Variants in TRANK1 observed in about 807,000 individuals in gnomAD.
TRANK1 encodes the protein tetratricopeptide repeat and ankyrin repeat containing 1, also known as TPR and ankyrin repeat-containing protein 1.
TRANK1 carries 198 observed loss-of-function variants against 266.0 expected under a neutral mutation model. That is an observed-to-expected ratio of 0.74 (90% CI 0.66 to 0.84). The LOEUF is 0.84. Ranked by LOEUF, TRANK1 falls within the 40% of genes least tolerant of loss-of-function variation. The pLI is 0.00. For synonymous variants in TRANK1, 1,396 were observed against 1,384.1 expected (o/e 1.01, Z -0.19); for missense variants, 3,326 against 3,634.6 (o/e 0.92, Z 2.18).
In TRANK1 at chr3:36,907,184, C is replaced by T. The variant is rs1454431530; in HGVS notation, c.155+1139G>A. On this transcript the variant is annotated intron_variant, in intron 2 of 23. Transcript: ENST00000645898. The stretch of plus-strand genomic sequence containing the variant: ...TTTATTTTTGAGACAGAGTTTCACT[C>T]TTGTCACCGAGGCCAGAGTTCAATG... 5.3e-5 allele frequency among the ~76,000 whole-genome samples: 8 copies of T among 152,338 alleles called. No individual in the cohort carries two copies. The South Asian group carries it at 1.2e-3, about 24-fold the overall frequency.
At chr3:36,906,297 C>T (rs1324634026) in intron 2 of TRANK1, among the ~76,000 whole-genome samples, 1 of 152,138 alleles carries the variant, frequency 6.6e-6, no homozygotes, top group African/African-American at 2.4e-5. Flanking sequence ...CATTTCCTAG[C>T]ACAAGTTTAG....
At chr3:36,893,389 T>A (rs180993259) in intron 5 of TRANK1, among the ~76,000 whole-genome samples, 2 of 152,220 alleles carry the variant, frequency 1.3e-5, no homozygotes, top group East Asian at 3.9e-4. Flanking sequence ...CACATCAGCG[T>A]TTTAAAAGCC....
chr3:36,837,657 G>GGATGTCAAAGC (rs2125514308), intron 20 of TRANK1, among the ~76,000 whole-genome samples: 1 of 152,286 alleles, frequency 6.6e-6, no homozygotes, highest in African/African-American at 2.4e-5. Context: ...ATCACCACTT[G>GGATGTCAAAGC]GATGTCAAAG....
In TRANK1 at chr3:36,855,537, G is replaced by A; in HGVS notation, c.4185C>T (p.Phe1395=). Residue 1395 remains phenylalanine (F), a synonymous_variant, in exon 13 of 24, where the codon TTC becomes TTT. Transcript: ENST00000645898. ...KEDRSEIYSL[F]SLYQQIRSQK... is the part of the protein sequence containing the mutation. ...GGGACCTGATTTGCTGATACAGACT[G>A]AAGAGGCTGTAGATCTCACTCCGGT... 3 of 1,613,930 alleles carry A rather than the reference G, an allele frequency of 1.9e-6. No homozygotes were observed. The highest frequency in any genetic ancestry group is 2.2e-5 in the East Asian group (1 of 44,874).
Position 36,849,645 on chromosome 3 carries a change from G to T in TRANK1, c.4887+2074C>A, listed in dbSNP as rs552748280. ...TTCAAATAGCAATCACTGTTCAGCA[G>T]CCTTCAGTTACCTTGAAAGAAACCC... is the stretch of plus-strand genomic sequence containing the variant. On this transcript the variant is annotated intron_variant, in intron 15 of 23. Transcript: ENST00000645898. 6.9e-4 allele frequency among the ~76,000 whole-genome samples: 105 copies of T among 152,334 alleles called. 1 individual carries two copies. Among genetic ancestry groups the T allele is most frequent in the African/African-American group, 2.3e-3 (97 of 41,584 alleles).
intron 8 of TRANK1, among the ~76,000 whole-genome samples, chr3:36,884,341 C>T (rs1159415739): frequency 6.6e-6 from 1 of 152,132 alleles, no homozygotes; most frequent in African/African-American, 2.4e-5. Context: ...CAATAGGAAC[C>T]AGGGATCCTT....
At chr3:36,902,868 CA>C (rs1342922622) in intron 3 of TRANK1, among the ~76,000 whole-genome samples, 1 of 152,260 alleles carries the variant, frequency 6.6e-6, no homozygotes, top group Non-Finnish European at 1.5e-5. Flanking sequence ...GCTGTTCCTA[CA>C]AAGTGCATTT....
In TRANK1 at chr3:36,855,481, A is replaced by T; in HGVS notation, c.4241T>A (p.Leu1414Gln). Reference protein sequence around the residue: ...QKGYFDEEDVLYNISRRLSKL... With the variant: ...QKGYFDEEDVQYNISRRLSKL... ...CGACAGCCTCCGGGATATGTTGTAC[A>T]GAACATCCTCTTCATCAAAATAACC... Residue 1414 changes from leucine (L) to glutamine (Q), a missense_variant, in exon 13 of 24, where the codon CTG (leucine) becomes CAG (glutamine). Leu to Gln is a moderately radical substitution (Grantham distance 113, BLOSUM62 -2). Transcript: ENST00000645898. 1.2e-6 allele frequency: 2 copies of T among 1,614,018 alleles called. No homozygotes were observed. The highest frequency in any genetic ancestry group is 1.7e-6 in the Non-Finnish European group (2 of 1,179,894).
At chr3:36,846,430 T>C (rs1402640673) in intron 16 of TRANK1, 26 bp from the exon 17 acceptor site, 1 of 1,596,276 alleles carries the variant, frequency 6.3e-7, no homozygotes, top group African/African-American at 1.3e-5. Flanking sequence ...AGGACAAAGA[T>C]GATGAGCCAT....
intron 4 of TRANK1, 72 bp downstream of exon 4, chr3:36,899,037 G>A (rs1484610893): frequency 1.4e-6 from 2 of 1,472,732 alleles, no homozygotes; most frequent in Non-Finnish European, 1.8e-6. Flanking sequence ...CTCCCCATGA[G>A]CCTGAGTCCC....
chr3:36,837,538 C>T (rs903964679), intron 20 of TRANK1, among the ~76,000 whole-genome samples: 1 of 152,210 alleles, frequency 6.6e-6, no homozygotes, highest in Non-Finnish European at 1.5e-5. Flanking sequence ...CAATGGCCCA[C>T]AGCTCCTTAA....
chr3:36,938,515 C>A (rs1322016349), intron 1 of TRANK1, among the ~76,000 whole-genome samples: 1 of 152,116 alleles, frequency 6.6e-6, no homozygotes, highest in Non-Finnish European at 1.5e-5. Flanking sequence ...CCAGGCCCAG[C>A]CATTCTAGCC....
chr3:36,862,906 A>G (rs530707105), intron 10 of TRANK1, among the ~76,000 whole-genome samples: 1 of 152,344 alleles, frequency 6.6e-6, no homozygotes, highest in Admixed American at 6.5e-5. Context: ...GGAGAGTCAA[A>G]AAAAGTCACT....
In TRANK1 at chr3:36,834,757, C is replaced by A; in HGVS notation, c.5663+5G>T. 1 of 1,608,548 alleles carries A rather than the reference C, an allele frequency of 6.2e-7. No individual in the cohort carries two copies. Among genetic ancestry groups the A allele is most frequent in the South Asian group, 1.1e-5 (1 of 90,146 alleles). On this transcript the variant is annotated splice_donor_5th_base_variant and intron_variant, in intron 21 of 23. Transcript: ENST00000645898. Reference sequence around the variant, plus strand: ...GGGAGAAAGGGAGAGAATAAAACCACCTACTTTTCCACTGCAATAGCAGCT... The same window carrying A: ...GGGAGAAAGGGAGAGAATAAAACCAACTACTTTTCCACTGCAATAGCAGCT...
Position 36,848,785 on chromosome 3 carries a change from A to T in TRANK1, c.4888-1439T>A, listed in dbSNP as rs564886172. Among the ~76,000 whole-genome samples the T allele has an allele frequency of 2.0e-5, 3 of 152,358 alleles. No individual in the cohort carries two copies. The East Asian group carries it at 5.8e-4, about 29-fold the overall frequency. On this transcript the variant is annotated intron_variant, in intron 15 of 23. Coordinates refer to ENST00000645898, the MANE Select transcript of TRANK1 (RefSeq NM_001329998.2). Reference sequence around the variant, plus strand: ...TTTTGTGAAGCTATGCAGACAACAAAATTGTTTACCAAGGAAAGTAGGCAG... The same window carrying T: ...TTTTGTGAAGCTATGCAGACAACAATATTGTTTACCAAGGAAAGTAGGCAG...
In TRANK1 at chr3:36,826,836, C is replaced by A. The variant is rs540265166; in HGVS notation, c.*1439G>T. 1.3e-5 allele frequency: 2 copies of A among 152,110 alleles called. No individual in the cohort carries two copies. Among genetic ancestry groups the A allele is most frequent in the African/African-American group, 4.8e-5 (2 of 41,490 alleles). The allele number at this position is 152,110 out of a possible 1,614,324, so 9.4% of individuals were successfully genotyped here. A position where few individuals can be genotyped will look rare whatever the true frequency, so the allele number is the denominator to read the frequency against. ...GCAGCATGTAAGAGAAATGCTTTAACTTTATAAAAAATGTGATAATACAGC... is the reference window on the plus strand; with the variant it reads ...GCAGCATGTAAGAGAAATGCTTTAAATTTATAAAAAATGTGATAATACAGC... On this transcript the variant is annotated 3_prime_UTR_variant, in exon 24 of 24. Coordinates refer to ENST00000645898, the MANE Select transcript of TRANK1 (RefSeq NM_001329998.2).
chr3:36,843,304 C>T (rs2078873326), intron 17 of TRANK1, among the ~76,000 whole-genome samples: 1 of 152,098 alleles, frequency 6.6e-6, no homozygotes, highest in Non-Finnish European at 1.5e-5. Context: ...GTCTACTTTC[C>T]TATTCTATGG....
Position 36,857,922 on chromosome 3 carries a change from C to A in TRANK1, c.1800G>T (p.Gln600His). ...TCTTCACGCGCTTTAGCATGCCCTT[C>A]TGGAAGAGGATGTGCATCAGCGTGT... Reference protein sequence around the residue: ...NGNTLMHILFQKGMLKRVKKL... With the variant: ...NGNTLMHILFHKGMLKRVKKL... The change falls in exon 13 of 24, where the codon CAG (glutamine) becomes CAT (histidine). Residue 600 changes from glutamine to histidine, a missense_variant. Physicochemically the swap from Gln to His is conservative, Grantham distance 24. Coordinates refer to ENST00000645898, the MANE Select transcript of TRANK1 (RefSeq NM_001329998.2). The surrounding 1 kb of genome is among the most constrained non-coding windows in gnomAD (Gnocchi z 4.3). 6.2e-7 allele frequency: 1 copy of A among 1,607,076 alleles called. No individual in the cohort carries two copies. Among genetic ancestry groups the A allele is most frequent in the Non-Finnish European group, 8.5e-7 (1 of 1,179,862 alleles).
In TRANK1 at chr3:36,929,883, A is replaced by ATTGTTGTTGTTGTTG. The variant is rs201004320; in HGVS notation, c.23+14889_23+14903dup. ...GACGAGGGCAAGGGAGATGCAGCAG[A>ATTGTTGTTGTTGTTG]TTGTTGTTGTTGTTGTTGTTGTTGT... On this transcript the variant is annotated intron_variant, in intron 1 of 23. Coordinates refer to ENST00000645898, the MANE Select transcript of TRANK1 (RefSeq NM_001329998.2). Among the ~76,000 whole-genome samples the ATTGTTGTTGTTGTTG allele has an allele frequency of 7.8e-3, 1,163 of 149,042 alleles. 14 individuals carry two copies. The highest frequency in any genetic ancestry group is 0.017 in the Middle Eastern group (5 of 294).
Sources: allele counts gnomAD v4.1 joint callset (sites outside exome capture counted in the v4.1 genomes callset), GRCh38; gene constraint gnomAD v4.1.1; non-coding constraint Gnocchi (gnomAD v3.1); transcripts MANE v1.5; gene names NCBI Gene and HGNC (gene_info 2026-07-23, HGNC 2026-07-21).